PLCH2: variants seen among roughly 807,000 people sequenced by gnomAD.
PLCH2 encodes the protein phospholipase C eta 2, also known as 1-phosphatidylinositol 4,5-bisphosphate phosphodiesterase eta-2.
Under a neutral mutation model 134.7 loss-of-function variants are expected in PLCH2, and 98 were observed. That is an observed-to-expected ratio of 0.73 (90% CI 0.62 to 0.86). The LOEUF (loss-of-function observed/expected upper bound fraction) is 0.86, where lower values mean the gene tolerates loss of function less well. Ranked by LOEUF, PLCH2 falls within the 40% of genes least tolerant of loss-of-function variation. The pLI, the probability that PLCH2 is intolerant of heterozygous loss-of-function variation, is 0.00. For synonymous variants in PLCH2, 974 were observed against 827.5 expected (o/e 1.18, Z -3.04); for missense variants, 1,994 against 1,986.6 (o/e 1.00, Z -0.07).
chr1:2,484,162 G>A (rs1642169031), intron 4 of PLCH2, among the ~76,000 whole-genome samples: 1 of 152,160 alleles, frequency 6.6e-6, no homozygotes, highest in African/African-American at 2.4e-5. Flanking sequence ...CGTGTGGGTA[G>A]TGTTAACTGC....
chr1:2,487,087 T>G, intron 6 of PLCH2, 86 bp from the exon 7 acceptor site: 1 of 1,500,922 alleles, frequency 6.7e-7, no homozygotes, highest in Non-Finnish European at 9.1e-7. Flanking sequence ...ACAGGTGTTC[T>G]GTGTTCTGTG....
chr1:2,426,315 G>T (rs911280272), intron 1 of PLCH2, among the ~76,000 whole-genome samples: 1 of 152,356 alleles, frequency 6.6e-6, no homozygotes, highest in East Asian at 1.9e-4. Context: ...CTATGGCCCC[G>T]TGTTTGGCCA....
upstream of PLCH2, among the ~76,000 whole-genome samples, chr1:2,474,216 G>A (rs556535968): frequency 2.3e-3 from 354 of 152,286 alleles, 6 homozygotes; most frequent in Non-Finnish European, 3.4e-4. Flanking sequence ...CAGGCAGCAC[G>A]TGGGGAGGGG....
At chr1:2,425,183 A>AG (rs1638725085), upstream of PLCH2, among the ~76,000 whole-genome samples, 2 of 151,612 alleles carry the variant, frequency 1.3e-5, no homozygotes, top group Admixed American at 6.6e-5. Context: ...AAAAAAAAAA[A>AG]GCTGAATAGT....
intron 2 of PLCH2, among the ~76,000 whole-genome samples, chr1:2,445,242 G>T (rs892837894): frequency 6.6e-6 from 1 of 152,120 alleles, no homozygotes; most frequent in Non-Finnish European, 1.5e-5. Flanking sequence ...GTCCCCACAG[G>T]CCCCTTCCCT....
In PLCH2 at chr1:2,502,194, C is replaced by T. The variant is rs926930873; in HGVS notation, c.2744C>T (p.Pro915Leu). Residue 915 changes from proline to leucine, a missense_variant, in exon 21 of 22, where the codon CCC (proline) becomes CTC (leucine). Pro to Leu is a moderately conservative substitution (Grantham distance 98). Transcript: ENST00000378486. Reference protein sequence around the residue: ...GSLDSHAAGRPPARPSVSQRI... With the variant: ...GSLDSHAAGRLPARPSVSQRI... ...CTGGACAGTCATGCTGCTGGGCGGC[C>T]CCCGGCCCGGCCCTCCGTTAGCCAG... 3 of 1,536,080 alleles carry T rather than the reference C, an allele frequency of 2.0e-6. No homozygotes were observed. The highest frequency in any genetic ancestry group is 2.6e-6 in the Non-Finnish European group (3 of 1,143,186).
At chr1:2,503,431 G>C in intron 21 of PLCH2, 1 of 598,750 alleles carries the variant, frequency 1.7e-6, no homozygotes, top group Non-Finnish European at 3.0e-6. Flanking sequence ...AGCCTGCTGA[G>C]TGCTGCGTGG....
rs752883142 is a variant in PLCH2 at position 2,499,676 on chromosome 1, G to A, written c.2617G>A (p.Ala873Thr). ...RHVYLEGMEE[A>T]SIFVHVAVSD... ...CGTGTACCTAGAAGGGATGGAAGAG[G>A]CCTCCATCTTCGTGCATGTGGCTGT... Residue 873 changes from alanine (A) to threonine (T), a missense_variant, in exon 20 of 22, where the codon GCC becomes ACC. Physicochemically the swap from Ala to Thr is moderately conservative, Grantham distance 58 (BLOSUM62 0). Transcript: ENST00000378486. 3.1e-6 allele frequency: 5 copies of A among 1,601,130 alleles called. No homozygotes were observed. The highest frequency in any genetic ancestry group is 1.1e-5 in the South Asian group (1 of 88,220).
intron 2 of PLCH2, among the ~76,000 whole-genome samples, chr1:2,446,515 C>T (rs752717018): frequency 2.2e-4 from 33 of 152,144 alleles, no homozygotes; most frequent in African/African-American, 3.1e-4. Context: ...GGGGCAGCTC[C>T]GACTCCGACC....
chr1:2,456,647 G>A (rs991418253), intron 2 of PLCH2, among the ~76,000 whole-genome samples: 1 of 152,182 alleles, frequency 6.6e-6, no homozygotes, highest in African/African-American at 2.4e-5. Flanking sequence ...GGCCTCCGTC[G>A]GCTTCCTGCC....
At chr1:2,491,456 C>A in intron 11 of PLCH2, 121 bp downstream of exon 11, 1 of 1,008,358 alleles carries the variant, frequency 9.9e-7, no homozygotes, top group Non-Finnish European at 1.5e-6. Context: ...ACACACAAAT[C>A]TGCACACAAG....
chr1:2,503,738 G>GGT (rs1643367401), intron 21 of PLCH2, 184 bp from the exon 22 acceptor site: 2 of 618,876 alleles, frequency 3.2e-6, no homozygotes, highest in Admixed American at 5.1e-5. Flanking sequence ...GCAGCAGCAG[G>GGT]GTGGGGACAC....
intron 2 of PLCH2, among the ~76,000 whole-genome samples, chr1:2,443,885 C>T (rs570411753): frequency 6.6e-6 from 1 of 150,788 alleles, no homozygotes; most frequent in Non-Finnish European, 1.5e-5. Context: ...CGCCTCCCGG[C>T]CCGCAGCCCC....
chr1:2,426,394 G>A (rs1309148414), intron 1 of PLCH2, among the ~76,000 whole-genome samples: 1 of 152,220 alleles, frequency 6.6e-6, no homozygotes, highest in Non-Finnish European at 1.5e-5. Flanking sequence ...CTAACACTGA[G>A]TGGGGCTCCG....
intron 21 of PLCH2, chr1:2,503,163 C>T: frequency 3.2e-6 from 2 of 632,364 alleles, no homozygotes; most frequent in Non-Finnish European, 5.8e-6. Flanking sequence ...CTGGGAAGAA[C>T]CAGCTGCTCT....
intron 10 of PLCH2, among the ~76,000 whole-genome samples, chr1:2,490,213 G>GC (rs879573891): frequency 1.4e-4 from 21 of 152,152 alleles, no homozygotes; most frequent in Non-Finnish European, 2.5e-4. Context: ...CCAGCACCTG[G>GC]CCCACCCAGG....
chr1:2,470,837 C>T (rs948956959), intron 1 of PLCH2, among the ~76,000 whole-genome samples: 4 of 152,234 alleles, frequency 2.6e-5, no homozygotes, highest in Admixed American at 6.5e-5. Flanking sequence ...GTGGCTGCCA[C>T]GAGCCTGGCT....
At chr1:2,491,740 C>A (rs1642595439) in intron 11 of PLCH2, among the ~76,000 whole-genome samples, 1 of 152,258 alleles carries the variant, frequency 6.6e-6, no homozygotes, top group Admixed American at 6.5e-5. Flanking sequence ...GTCACAGAGC[C>A]TCCTTGTAGA....
chr1:2,459,449 CCTCCTTCCTGGTGGTT>C (rs1557969635), intron 2 of PLCH2, among the ~76,000 whole-genome samples: 16 of 23,466 alleles, frequency 6.8e-4, no homozygotes, highest in Non-Finnish European at 1.4e-3. Context: ...TGCCGGTGGT[CCTCCTTCCTGGTGGTT>C]CTCCTTCCTG....
Sources: gnomAD v4.1 joint callset for allele counts (sites outside exome capture counted in the v4.1 genomes callset) on GRCh38, gnomAD v4.1.1 for gene constraint, MANE v1.5 for transcripts, NCBI Gene and HGNC (gene_info 2026-07-23, HGNC 2026-07-21) for gene names.